LTBP1: variants seen among roughly 807,000 people sequenced by gnomAD.
LTBP1 encodes the protein latent transforming growth factor beta binding protein 1, also known as latent-transforming growth factor beta-binding protein 1.
In LTBP1, 129 loss-of-function variants were observed where a neutral mutation model predicts 207.6. The observed-to-expected ratio is 0.62, with a 90% CI of 0.54 to 0.72. The LOEUF (loss-of-function observed/expected upper bound fraction) is 0.72, where lower values mean the gene tolerates loss of function less well. LTBP1 is among the 30% of genes least tolerant of loss of function. LTBP1 has a pLI of 0.00. For missense variants in LTBP1, 2,281 were observed against 2,217.2 expected, an observed-to-expected ratio of 1.03 and a Z score of -0.58; for synonymous variants, 963 against 833.7, an observed-to-expected ratio of 1.16 and a Z score of -2.67.
intron 31 of LTBP1, among the ~76,000 whole-genome samples, chr2:33,368,556 C>A (rs2095028933): frequency 6.6e-6 from 1 of 152,194 alleles, no homozygotes; most frequent in Non-Finnish European, 1.5e-5. Context: ...ATAAAAATAC[C>A]AGGCTAAGTG....
intron 3 of LTBP1, among the ~76,000 whole-genome samples, chr2:33,071,432 A>G (rs1173091617): frequency 6.6e-6 from 1 of 152,182 alleles, no homozygotes; most frequent in African/African-American, 2.4e-5. Flanking sequence ...CTTATACTCT[A>G]GGGGAGAGGA....
intron 9 of LTBP1, among the ~76,000 whole-genome samples, chr2:33,234,093 C>T (rs2091924737): frequency 1.3e-5 from 2 of 152,106 alleles, no homozygotes; most frequent in African/African-American, 4.8e-5. Context: ...GCTTCTTTCA[C>T]TCAACAGTAT....
At chr2:32,981,435 A>G (rs768381021) in intron 2 of LTBP1, among the ~76,000 whole-genome samples, 6 of 152,040 alleles carry the variant, frequency 3.9e-5, no homozygotes, top group Non-Finnish European at 8.8e-5. Context: ...CAGCTTTGTG[A>G]TCTCACTTTT....
intron 5 of LTBP1, among the ~76,000 whole-genome samples, chr2:33,170,428 G>T (rs902235147): frequency 3.3e-5 from 5 of 152,146 alleles, no homozygotes; most frequent in African/African-American, 1.2e-4. Flanking sequence ...AGATCAAACT[G>T]CAAGGCCGCG....
chr2:32,953,938 G>A (rs1042745058), intron 2 of LTBP1, among the ~76,000 whole-genome samples: 6 of 152,106 alleles, frequency 3.9e-5, no homozygotes, highest in Non-Finnish European at 5.9e-5. Context: ...CTTTTAATAC[G>A]GACCAAAATC....
chr2:33,277,892 C>T (rs540998385), intron 18 of LTBP1, among the ~76,000 whole-genome samples: 9 of 142,874 alleles, frequency 6.3e-5, no homozygotes, highest in East Asian at 2.1e-4. Flanking sequence ...TGCAGTGGTG[C>T]GATCTCAGCT....
intron 24 of LTBP1, among the ~76,000 whole-genome samples, chr2:33,340,850 C>T (rs899964798): frequency 1.3e-5 from 2 of 152,052 alleles, no homozygotes; most frequent in Non-Finnish European, 2.9e-5. Context: ...CATATTGATA[C>T]TATTATTTCC....
chr2:33,218,013 TC>T (rs1256062370), intron 8 of LTBP1, among the ~76,000 whole-genome samples: 3 of 152,246 alleles, frequency 2.0e-5, no homozygotes, highest in African/African-American at 7.2e-5. Context: ...AGTTGTTATT[TC>T]CTAGGTTTAA....
intron 5 of LTBP1, among the ~76,000 whole-genome samples, chr2:33,158,818 C>T (rs200178873): frequency 1.1e-3 from 175 of 152,264 alleles, no homozygotes; most frequent in East Asian, 1.3e-3. Context: ...CCCCTAACCC[C>T]GATCCTTTAA....
intron 19 of LTBP1, among the ~76,000 whole-genome samples, chr2:33,286,915 ACAC>A (rs2093676861): frequency 1.3e-5 from 2 of 152,128 alleles, no homozygotes; most frequent in African/African-American, 4.8e-5. Context: ...GGAACATCAC[ACAC>A]CAGGACCTGT....
chr2:33,143,421 A>C (rs143681480), intron 5 of LTBP1, among the ~76,000 whole-genome samples: 1 of 152,330 alleles, frequency 6.6e-6, no homozygotes, highest in Non-Finnish European at 1.5e-5. Flanking sequence ...AGGTGTACAC[A>C]GAATTTACCT....
At chr2:33,394,187 G>A (rs1049070502) in intron 32 of LTBP1, among the ~76,000 whole-genome samples, 56 of 152,222 alleles carry the variant, frequency 3.7e-4, no homozygotes, top group African/African-American at 1.3e-3. Context: ...GTAGATTCTG[G>A]ATATTAGCCC....
chr2:33,094,510 T>C (rs2079282882), intron 3 of LTBP1, among the ~76,000 whole-genome samples: 1 of 152,348 alleles, frequency 6.6e-6, no homozygotes, highest in South Asian at 2.1e-4. Flanking sequence ...CCTAAGTCCC[T>C]TTTAGCTGTC....
At position 33,289,681 on chromosome 2, in the gene LTBP1, T is replaced by C. The variant is rs115696544; in HGVS notation, c.3113-3479T>C. On this transcript the variant is annotated intron_variant, in intron 19 of 33. Transcript: ENST00000404816. ...ACACCTGGCTAGAACCAATTTTTTT[T>C]ATCAACACTGTTTTTTATTATATTT... 2.6e-3 allele frequency among the ~76,000 whole-genome samples: 396 copies of C among 152,352 alleles called. 2 individuals are homozygous for C. The highest frequency in any genetic ancestry group is 9.1e-3 in the African/African-American group (377 of 41,576).
chr2:33,356,815 G>A (rs1042283445), intron 26 of LTBP1, among the ~76,000 whole-genome samples: 1 of 152,270 alleles, frequency 6.6e-6, no homozygotes, highest in East Asian at 1.9e-4. Flanking sequence ...AAATAAAAAA[G>A]GAAATAAAGT....
chr2:32,963,123 C>T (rs1337116718), intron 2 of LTBP1, among the ~76,000 whole-genome samples: 2 of 152,192 alleles, frequency 1.3e-5, no homozygotes, highest in Non-Finnish European at 2.9e-5. Context: ...GGTATAAAGC[C>T]CAGTGGAATG....
chr2:33,294,252 T>C (rs1373012496), intron 20 of LTBP1, among the ~76,000 whole-genome samples: 7 of 151,732 alleles, frequency 4.6e-5, no homozygotes, highest in Non-Finnish European at 1.0e-4. Flanking sequence ...GCTGGAGTGC[T>C]GTGGCATGAT....
intron 2 of LTBP1, among the ~76,000 whole-genome samples, chr2:32,977,455 C>T (rs761321024): frequency 5.3e-5 from 8 of 152,154 alleles, no homozygotes; most frequent in Non-Finnish European, 8.8e-5. Flanking sequence ...GGGGTGAGGG[C>T]GGCTGGAGCA....
At chr2:33,131,659 G>A (rs1160076618) in intron 4 of LTBP1, among the ~76,000 whole-genome samples, 3 of 152,190 alleles carry the variant, frequency 2.0e-5, no homozygotes, top group Non-Finnish European at 2.9e-5. Context: ...GAATACAAGT[G>A]TCTGTTTTAG....
Sources: allele counts gnomAD v4.1 joint callset (sites outside exome capture counted in the v4.1 genomes callset), GRCh38; gene constraint gnomAD v4.1.1; transcripts MANE v1.5; gene names NCBI Gene and HGNC (gene_info 2026-07-23, HGNC 2026-07-21).